The following LRRFIP1 variants were observed in gnomAD, a reference collection of about 807,000 sequenced individuals.
LRRFIP1 encodes leucine-rich repeat flightless-interacting protein 1.
LRRFIP1 carries 62 observed loss-of-function variants against 104.4 expected under a neutral mutation model. The ratio of observed to expected loss-of-function variants is 0.59; its 90% CI spans 0.48 to 0.73. The LOEUF (loss-of-function observed/expected upper bound fraction) is 0.73. Among genes scored for constraint, LRRFIP1 ranks in the 30% least tolerant of loss-of-function variants. LRRFIP1 has a pLI of 0.00. For missense variants in LRRFIP1, 796 were observed against 824.5 expected (o/e 0.97, Z 0.42); for synonymous variants, 300 against 299.0 (o/e 1.00, Z -0.03).
At chr2:237,716,832 G>T (rs1173276050) in intron 3 of LRRFIP1, among the ~76,000 whole-genome samples, 1 of 152,210 alleles carries the variant, frequency 6.6e-6, no homozygotes, top group Non-Finnish European at 1.5e-5. Flanking sequence ...TGATTGAGTG[G>T]CAGCAGTAGC....
At chr2:237,690,417 C>T (rs944635008) in intron 1 of LRRFIP1, among the ~76,000 whole-genome samples, 1 of 152,158 alleles carries the variant, frequency 6.6e-6, no homozygotes, top group Non-Finnish European at 1.5e-5. Flanking sequence ...ATTATTTTCT[C>T]CAAATAATTG....
At chr2:237,712,272 C>T (rs913437486) in intron 2 of LRRFIP1, among the ~76,000 whole-genome samples, 1 of 152,204 alleles carries the variant, frequency 6.6e-6, no homozygotes, top group African/African-American at 2.4e-5. Context: ...TCCTAGCTCA[C>T]CCCTCTGTCT....
intron 1 of LRRFIP1, among the ~76,000 whole-genome samples, chr2:237,695,229 T>G (rs2093093087): frequency 6.6e-6 from 1 of 152,198 alleles, no homozygotes; most frequent in Admixed American, 6.5e-5. Context: ...TTTCCCTTTT[T>G]CTTTAAGAGT....
At chr2:237,660,833 G>T (rs1284257834) in intron 1 of LRRFIP1, among the ~76,000 whole-genome samples, 1 of 152,022 alleles carries the variant, frequency 6.6e-6, no homozygotes, top group Non-Finnish European at 1.5e-5. Context: ...AACAGCGCAC[G>T]GTGCTACATG....
intron 1 of LRRFIP1, among the ~76,000 whole-genome samples, chr2:237,660,321 A>G (rs2087647602): frequency 6.6e-6 from 1 of 152,216 alleles, no homozygotes; most frequent in African/African-American, 2.4e-5. Flanking sequence ...CCCACGCCCC[A>G]GCACACTAGC....
At chr2:237,736,966 T>C (rs2095268753) in intron 10 of LRRFIP1, among the ~76,000 whole-genome samples, 1 of 151,674 alleles carries the variant, frequency 6.6e-6, no homozygotes, top group South Asian at 2.1e-4. Flanking sequence ...TGTAGGGAGG[T>C]TATGGCCCAG....
chr2:237,756,157 G>A lies in LRRFIP1; in HGVS notation c.1101G>A (p.Glu367=), dbSNP rs2059243760. 25 of 1,613,992 alleles carry A rather than the reference G, an allele frequency of 1.5e-5. No homozygotes were observed. The highest frequency in any genetic ancestry group is 2.0e-5 in the Non-Finnish European group (24 of 1,179,934). Reference sequence around the variant, plus strand: ...AATTTCAGTTTGCTGAAGTCAAGGAGGCCCTGAAGCAAAGAGAGGAAATGC... The same window carrying A: ...AATTTCAGTTTGCTGAAGTCAAGGAAGCCCTGAAGCAAAGAGAGGAAATGC... The part of the protein sequence containing the change: ...ILQFQFAEVK[E]ALKQREEMLE... Residue 367 remains glutamate, a synonymous_variant, in exon 16 of 24, where the codon GAG becomes GAA. Coordinates refer to ENST00000308482, the MANE Select transcript of LRRFIP1 (RefSeq NM_001137550.2).
At chr2:237,673,211 A>G (rs922501003) in intron 1 of LRRFIP1, among the ~76,000 whole-genome samples, 3 of 152,268 alleles carry the variant, frequency 2.0e-5, no homozygotes, top group South Asian at 2.1e-4. Context: ...TTCCCTTTCC[A>G]AGGCTCTAAG....
intron 7 of LRRFIP1, among the ~76,000 whole-genome samples, chr2:237,725,311 G>A (rs574153165): frequency 2.0e-4 from 31 of 152,294 alleles, no homozygotes; most frequent in Middle Eastern, 3.4e-3. Context: ...TGGGAGCATG[G>A]AACCAGCAAA....
chr2:237,640,733 A>G (rs1209463252), intron 1 of LRRFIP1, among the ~76,000 whole-genome samples: 2 of 152,170 alleles, frequency 1.3e-5, no homozygotes, highest in African/African-American at 2.4e-5. Context: ...GGGCCTCCGC[A>G]GCTCTCTGCA....
chr2:237,662,975 A>C (rs184053976), intron 1 of LRRFIP1, among the ~76,000 whole-genome samples: 1 of 152,180 alleles, frequency 6.6e-6, no homozygotes, highest in African/African-American at 2.4e-5. Context: ...TGCAATTACA[A>C]GTGAGTATAA....
At position 237,689,529 on chromosome 2, in the gene LRRFIP1, G is replaced by A. The variant is rs528916767; in HGVS notation, c.97-19015G>A. ...TCCTGGGACTAAGACTCATCAGCTCGCTGCTTCTTACTCTGTGAGTGTCCT... is the reference window on the plus strand; with the variant it reads ...TCCTGGGACTAAGACTCATCAGCTCACTGCTTCTTACTCTGTGAGTGTCCT... On this transcript the variant is annotated intron_variant, in intron 1 of 23. Coordinates refer to ENST00000308482, the MANE Select transcript of LRRFIP1 (RefSeq NM_001137550.2). Among the ~76,000 whole-genome samples the A allele has an allele frequency of 3.3e-5, 5 of 152,280 alleles. No homozygotes were observed. In the East Asian group the frequency reaches 7.7e-4, roughly 23 times the overall value.
chr2:237,771,870 C>G, intron 20 of LRRFIP1: 1 of 540,196 alleles, frequency 1.9e-6, no homozygotes, highest in East Asian at 3.1e-5. Context: ...AGAAGAATTT[C>G]ACTTTAGAAA....
chr2:237,736,568 C>T (rs2095253958), intron 10 of LRRFIP1, among the ~76,000 whole-genome samples: 1 of 152,186 alleles, frequency 6.6e-6, no homozygotes, highest in African/African-American at 2.4e-5. Flanking sequence ...GCTCCTGATG[C>T]TCTCCAGATG....
intron 1 of LRRFIP1, among the ~76,000 whole-genome samples, chr2:237,653,053 T>G (rs1452716989): frequency 6.6e-6 from 1 of 152,184 alleles, no homozygotes; most frequent in African/African-American, 2.4e-5. Flanking sequence ...CATGTGAAAG[T>G]GCTTGCTTCC....
chr2:237,739,663 C>A (rs1046507837), intron 11 of LRRFIP1, among the ~76,000 whole-genome samples: 1 of 152,176 alleles, frequency 6.6e-6, no homozygotes, highest in Non-Finnish European at 1.5e-5. Flanking sequence ...GCCTGTAGAT[C>A]CCGGGACGCT....
At position 237,779,999 on chromosome 2, in the gene LRRFIP1, C is replaced by T. The variant is rs747003748; in HGVS notation, c.*467C>T. 6.5e-6 allele frequency: 1 copy of T among 152,904 alleles called. No individual in the cohort carries two copies. Among genetic ancestry groups the T allele is most frequent in the Non-Finnish European group, 1.5e-5 (1 of 68,618 alleles). 9.5% of individuals were successfully genotyped at this position (152,904 alleles called of 1,614,324 possible). A position where few individuals can be genotyped will look rare whatever the true frequency, so the allele number is the denominator to read the frequency against. ...CTTCAGTAGTATCTCTTAGTCTACGCTTTTCATACACAAAACACTGTGGAA... is the reference window on the plus strand; with the variant it reads ...CTTCAGTAGTATCTCTTAGTCTACGTTTTTCATACACAAAACACTGTGGAA... On this transcript the variant is annotated 3_prime_UTR_variant, in exon 24 of 24. Coordinates refer to ENST00000308482, the MANE Select transcript of LRRFIP1 (RefSeq NM_001137550.2).
intron 1 of LRRFIP1, among the ~76,000 whole-genome samples, chr2:237,690,253 T>A (rs1379489905): frequency 6.6e-6 from 1 of 152,162 alleles, no homozygotes; most frequent in African/African-American, 2.4e-5. Context: ...GTTGAGTAGC[T>A]TTAGAATCTG....
chr2:237,749,876 G>A (rs1298599828), intron 13 of LRRFIP1, among the ~76,000 whole-genome samples: 1 of 152,114 alleles, frequency 6.6e-6, no homozygotes, highest in Non-Finnish European at 1.5e-5. Context: ...ACAGTGCCAG[G>A]CATTTGGTAG....
Sources: gnomAD v4.1 joint callset for allele counts (sites outside exome capture counted in the v4.1 genomes callset) on GRCh38, gnomAD v4.1.1 for gene constraint, MANE v1.5 for transcripts, NCBI Gene and HGNC (gene_info 2026-07-23, HGNC 2026-07-21) for gene names.